TTPA: variants seen among roughly 807,000 people sequenced by gnomAD.
TTPA encodes alpha tocopherol transfer protein.
Under a neutral mutation model 25.9 loss-of-function variants are expected in TTPA, and 23 were observed. That is an observed-to-expected ratio of 0.89 (90% CI 0.64 to 1.26). TTPA has a LOEUF of 1.26. Among genes scored for constraint, TTPA ranks in the 50% most tolerant of loss-of-function variants. The pLI is 0.00. For missense variants in TTPA, 337 were observed against 353.1 expected (o/e 0.95, Z 0.37); for synonymous variants, 148 against 137.3 (o/e 1.08, Z -0.54).
intron 1 of TTPA, among the ~76,000 whole-genome samples, chr8:63,083,257 A>G (rs1305014183): frequency 2.0e-5 from 3 of 152,370 alleles, no homozygotes; most frequent in South Asian, 2.1e-4. Context: ...TCAATGATAG[A>G]CTGGATTAAG....
chr8:63,060,262 A>T lies in TTPA; in HGVS notation c.*990T>A, dbSNP rs886241529. 1 of 152,210 alleles carries T rather than the reference A, an allele frequency of 6.6e-6. No homozygotes were observed. The highest frequency in any genetic ancestry group is 1.5e-5 in the Non-Finnish European group (1 of 68,036). The allele number at this position is 152,210 out of a possible 1,614,324, so 9.4% of individuals were successfully genotyped here. A position where few individuals can be genotyped will look rare whatever the true frequency, so the allele number is the denominator to read the frequency against. On this transcript the variant is annotated 3_prime_UTR_variant, in exon 5 of 5. Coordinates refer to ENST00000260116, the MANE Select transcript of TTPA (RefSeq NM_000370.3). ...GACCATAAGCAAAAGTTAAAATTAC[A>T]TTCTTGATTTGTTTAAAAATGCAAA...
chr8:63,080,719 C>CAAAAAAAAA, intron 1 of TTPA, among the ~76,000 whole-genome samples: 1 of 69,900 alleles, frequency 1.4e-5, no homozygotes, highest in Non-Finnish European at 3.3e-5. Context: ...GACTCCGTAT[C>CAAAAAAAAA]AAAAAAAAAA....
At chr8:63,082,936 G>A (rs932817439) in intron 1 of TTPA, among the ~76,000 whole-genome samples, 4 of 152,174 alleles carry the variant, frequency 2.6e-5, no homozygotes, top group African/African-American at 9.6e-5. Flanking sequence ...ACCACAATGA[G>A]ATACTATCTC....
intron 1 of TTPA, among the ~76,000 whole-genome samples, chr8:63,079,410 C>T (rs1475177369): frequency 6.6e-6 from 1 of 151,836 alleles, no homozygotes; most frequent in Admixed American, 6.6e-5. Context: ...GAGTCAAGAC[C>T]CATCAGATGT....
chr8:63,079,025 G>C (rs1017800445), intron 1 of TTPA, among the ~76,000 whole-genome samples: 1 of 152,150 alleles, frequency 6.6e-6, no homozygotes, highest in Non-Finnish European at 1.5e-5. Flanking sequence ...AGAGTAGGGG[G>C]CCAACATTCA....
chr8:63,076,932 A>G (rs1287582849), intron 1 of TTPA, among the ~76,000 whole-genome samples: 3 of 152,174 alleles, frequency 2.0e-5, no homozygotes, highest in Non-Finnish European at 1.5e-5. Flanking sequence ...AATAGATCAA[A>G]GACCCCAACA....
chr8:63,082,416 C>T (rs10481209), intron 1 of TTPA, among the ~76,000 whole-genome samples: 41,176 of 151,930 alleles, frequency 0.27, 5,776 homozygotes, highest in South Asian at 0.39. Flanking sequence ...TAATAAATGG[C>T]GCTGGGAAAA....
intron 1 of TTPA, among the ~76,000 whole-genome samples, chr8:63,074,652 A>G (rs544964744): frequency 1.4e-4 from 22 of 152,360 alleles, no homozygotes; most frequent in Non-Finnish European, 2.6e-4. Flanking sequence ...AGGGGGTACC[A>G]GAATAACTGT....
At chr8:63,067,985 C>T (rs950004407) in intron 2 of TTPA, among the ~76,000 whole-genome samples, 11 of 152,022 alleles carry the variant, frequency 7.2e-5, no homozygotes, top group Non-Finnish European at 1.5e-4. Context: ...ATGGTGTACA[C>T]GCAGTACCAT....
rs1322464959 is a variant in TTPA, at chr8:63,072,959, T to C, written c.334A>G (p.Ser112Gly). The change falls in exon 2 of 5, where the codon AGC becomes GGC. Residue 112 changes from serine to glycine, a missense_variant. Coordinates refer to ENST00000260116, the MANE Select transcript of TTPA (RefSeq NM_000370.3). ...CCGATTCTGTAAATAAGAACTTTGC[T>C]GCCAGTGGGATCCCTGGATCTCAGG... is the stretch of plus-strand genomic sequence containing the variant. ...GVLRSRDPTG[S>G]KVLIYRIAHW... 6.2e-7 allele frequency: 1 copy of C among 1,614,148 alleles called. No individual in the cohort carries two copies. The highest frequency in any genetic ancestry group is 2.2e-5 in the East Asian group (1 of 44,872).
At chr8:63,080,706 C>T (rs1407867216) in intron 1 of TTPA, among the ~76,000 whole-genome samples, 10 of 137,520 alleles carry the variant, frequency 7.3e-5, no homozygotes, top group East Asian at 6.2e-4. Flanking sequence ...GGTGACAGAG[C>T]GAGACTCCGT....
In TTPA at chr8:63,085,833, C is replaced by T; in HGVS notation, c.189G>A (p.Leu63=). The change falls in exon 1 of 5, where the codon CTG becomes CTA. Residue 63 remains leucine, a synonymous_variant. Coordinates refer to ENST00000260116, the MANE Select transcript of TTPA (RefSeq NM_000370.3). ...GCACGCTTACCCGCCAGGCCAGGTC[C>T]AGATCGAAATCCCGGGCGCGCAGGA... ...LRFLRARDFD[L]DLAWRLLKNY... The T allele has an allele frequency of 6.5e-7, 1 of 1,536,798 alleles. No individual in the cohort carries two copies. Among genetic ancestry groups the T allele is most frequent in the Non-Finnish European group, 8.7e-7 (1 of 1,145,560 alleles).
At chr8:63,085,770 G>A in intron 1 of TTPA, 48 bp downstream of exon 1, 1 of 1,522,928 alleles carries the variant, frequency 6.6e-7, no homozygotes, top group South Asian at 1.2e-5. Flanking sequence ...GCGGGGGACG[G>A]GGCGGGTGAG....
At position 63,075,181 on chromosome 8, in the gene TTPA, A is replaced by G. The variant is rs868317053; in HGVS notation, c.205-2093T>C. ...AACAACAACAAAGAAGTGGCTAAAA[A>G]TAAATATTCATCATTGGAAGGTGTC... On this transcript the variant is annotated intron_variant, in intron 1 of 4. Coordinates refer to ENST00000260116, the MANE Select transcript of TTPA (RefSeq NM_000370.3). 7.9e-5 allele frequency among the ~76,000 whole-genome samples: 12 copies of G among 152,356 alleles called. 1 individual carries two copies. The highest frequency in any genetic ancestry group is 4.1e-4 in the South Asian group (2 of 4,826).
chr8:63,061,441 C>T lies in TTPA; in HGVS notation c.664-16G>A, dbSNP rs1252737665. 6.2e-7 allele frequency: 1 copy of T among 1,613,424 alleles called. No individual in the cohort carries two copies. Among genetic ancestry groups the T allele is most frequent in the African/African-American group, 1.3e-5 (1 of 74,924 alleles). On this transcript the variant is annotated splice_polypyrimidine_tract_variant and intron_variant, in intron 4 of 4. Transcript: ENST00000260116. ...GCATGTGAATCTGAAATAGCCAAAA[C>T]ACTTTAGAAGGAAACCGCATTAGAT...
Position 63,061,248 on chromosome 8 carries a change from C to T in TTPA, c.*4G>A. On this transcript the variant is annotated 3_prime_UTR_variant, in exon 5 of 5. Transcript: ENST00000260116. The stretch of plus-strand genomic sequence containing the variant: ...TTAGGAAGCCATTCACATGACATAA[C>T]TTCTCATTGAATGCTCTCAGAAATG... The T allele has an allele frequency of 1.9e-6, 3 of 1,613,136 alleles. No individual in the cohort carries two copies. Among genetic ancestry groups the T allele is most frequent in the Non-Finnish European group, 2.5e-6 (3 of 1,179,778 alleles).
At chr8:63,078,901 T>G (rs536608040) in intron 1 of TTPA, among the ~76,000 whole-genome samples, 1 of 152,014 alleles carries the variant, frequency 6.6e-6, no homozygotes, top group Non-Finnish European at 1.5e-5. Context: ...TCACCAAGGT[T>G]GAAATGAAGG....
At chr8:63,064,921 A>C (rs938805637) in intron 3 of TTPA, among the ~76,000 whole-genome samples, 4 of 152,156 alleles carry the variant, frequency 2.6e-5, no homozygotes, top group African/African-American at 9.6e-5. Context: ...GAGATGTATT[A>C]TTAATTTGGG....
chr8:63,066,021 C>T lies in TTPA; in HGVS notation c.435G>A (p.Gln145=), dbSNP rs756867504. 19 of 1,614,056 alleles carry T rather than the reference C, an allele frequency of 1.2e-5. 1 individual carries two copies. Among genetic ancestry groups the T allele is most frequent in the Non-Finnish European group, 1.5e-5 (18 of 1,179,984 alleles). The change falls in exon 3 of 5, where the codon CAG becomes CAA. Residue 145 remains glutamine (Q), a synonymous_variant. Transcript: ENST00000260116. ...TTCCATTCCGCTGAGTTTCTACCTC[C>T]TGTACAATAAGCTCGGATGTGATTA... The part of the protein sequence containing the change: ...VSLITSELIV[Q]EVETQRNGIK...
Sources: allele counts gnomAD v4.1 joint callset (sites outside exome capture counted in the v4.1 genomes callset), GRCh38; gene constraint gnomAD v4.1.1; transcripts MANE v1.5; gene names NCBI Gene and HGNC (gene_info 2026-07-23, HGNC 2026-07-21).